The following PRKN variants were observed in gnomAD, a reference collection of about 807,000 sequenced individuals.
PRKN encodes parkin RBR E3 ubiquitin protein ligase.
In PRKN, 56 loss-of-function variants were observed where a neutral mutation model predicts 59.5. That is an observed-to-expected ratio of 0.94 (90% CI 0.76 to 1.18). The LOEUF is 1.18. Among genes scored for constraint, PRKN ranks in the 50% most tolerant of loss-of-function variants. The probability of loss-of-function intolerance (pLI) is 0.00; values close to 1 mark genes in which losing one functional copy is unlikely to be tolerated. For missense variants in PRKN, 657 were observed against 596.4 expected (o/e 1.10, Z -1.06); for synonymous variants, 250 against 222.1 (o/e 1.13, Z -1.12).
chr6:162,064,376 G>A (rs570529761), intron 4 of PRKN, among the ~76,000 whole-genome samples: 131 of 128,836 alleles, frequency 1.0e-3, no homozygotes, highest in African/African-American at 3.3e-3. Context: ...TTGACACAGT[G>A]CATTTTGTAG....
At chr6:161,853,750 T>C (rs1050202018) in intron 6 of PRKN, among the ~76,000 whole-genome samples, 17 of 152,252 alleles carry the variant, frequency 1.1e-4, no homozygotes, top group African/African-American at 3.6e-4. Context: ...TATCACACAA[T>C]GTCAGAAACA....
intron 9 of PRKN, among the ~76,000 whole-genome samples, chr6:161,436,232 G>C (rs1287919931): frequency 5.3e-4 from 51 of 96,814 alleles, no homozygotes; most frequent in African/African-American, 1.9e-3. Flanking sequence ...GGATGGGAGG[G>C]CAGAGAAGAG....
intron 4 of PRKN, among the ~76,000 whole-genome samples, chr6:162,067,509 T>G (rs1376473961): frequency 6.6e-6 from 1 of 152,220 alleles, no homozygotes; most frequent in East Asian, 1.9e-4. Context: ...TATGAGTTCA[T>G]GAGTTTTTAC....
At chr6:162,452,223 A>C (rs1042933480) in intron 1 of PRKN, among the ~76,000 whole-genome samples, 1 of 152,212 alleles carries the variant, frequency 6.6e-6, no homozygotes, top group African/African-American at 2.4e-5. Context: ...ATTTATCACA[A>C]GCAGACTCAT....
chr6:162,500,530 A>C (rs2128187723), intron 1 of PRKN, among the ~76,000 whole-genome samples: 1 of 152,294 alleles, frequency 6.6e-6, no homozygotes, highest in South Asian at 2.1e-4. Context: ...TCTCAGGAAG[A>C]CGGACGGAAT....
chr6:161,876,170 C>T (rs1232888260), intron 6 of PRKN, among the ~76,000 whole-genome samples: 2 of 152,072 alleles, frequency 1.3e-5, no homozygotes, highest in South Asian at 4.2e-4. Flanking sequence ...AACATTTTTG[C>T]TTTCTTTTAA....
intron 7 of PRKN, among the ~76,000 whole-genome samples, chr6:161,693,824 A>G (rs1785905554): frequency 6.6e-6 from 1 of 152,198 alleles, no homozygotes; most frequent in African/African-American, 2.4e-5. Flanking sequence ...TTTCAAATGG[A>G]TAAATATTAG....
intron 4 of PRKN, among the ~76,000 whole-genome samples, chr6:162,155,244 C>T (rs1319262816): frequency 6.6e-6 from 1 of 152,142 alleles, no homozygotes; most frequent in African/African-American, 2.4e-5. Context: ...TGCATCTACA[C>T]AGTTCTTAGT....
intron 2 of PRKN, among the ~76,000 whole-genome samples, chr6:162,268,183 C>T (rs1583291632): frequency 1.3e-5 from 2 of 152,084 alleles, no homozygotes; most frequent in East Asian, 3.9e-4. Context: ...TAACTATCAC[C>T]ATCTGCTATG....
intron 1 of PRKN, among the ~76,000 whole-genome samples, chr6:162,492,621 T>C (rs1253721853): frequency 6.6e-6 from 1 of 151,504 alleles, no homozygotes; most frequent in Non-Finnish European, 1.5e-5. Context: ...ATGGCCAACA[T>C]GGTGAAACCC....
intron 3 of PRKN, among the ~76,000 whole-genome samples, chr6:162,207,586 C>T (rs933289150): frequency 8.5e-5 from 13 of 152,170 alleles, no homozygotes; most frequent in East Asian, 3.9e-4. Flanking sequence ...CGCATGGCCC[C>T]GTGTCTGCCC....
At chr6:161,655,254 A>AGGC (rs1784299291) in intron 7 of PRKN, among the ~76,000 whole-genome samples, 1 of 143,928 alleles carries the variant, frequency 6.9e-6, no homozygotes, top group African/African-American at 2.7e-5. Flanking sequence ...GGGCCCACCC[A>AGGC]TGCTCTCAGC....
intron 1 of PRKN, among the ~76,000 whole-genome samples, chr6:162,645,377 A>C (rs1444585618): frequency 1.3e-5 from 2 of 152,178 alleles, no homozygotes; most frequent in South Asian, 4.1e-4. Flanking sequence ...GTGCATCAAG[A>C]AGCAAACAGT....
intron 6 of PRKN, among the ~76,000 whole-genome samples, chr6:161,900,796 TATATA>T (rs1181410225): frequency 8.3e-6 from 1 of 120,346 alleles, no homozygotes. Flanking sequence ...AAAATATAAA[TATATA>T]ATAAAATAAT....
rs767420298 is a variant in PRKN at position 161,355,042 on chromosome 6, C to A, written c.1286-4831G>T. ...ATCTGCCTGCCTCACAGGATCAAGT[C>A]CAAGCCCCAAACCTGCCATTCAGGG... On this transcript the variant is annotated intron_variant, in intron 11 of 11. Coordinates refer to ENST00000366898, the MANE Select transcript of PRKN (RefSeq NM_004562.3). This position sits in a 1 kb window ranked among gnomAD's most constrained non-coding sequence, Gnocchi z 6.8. 2.0e-5 allele frequency among the ~76,000 whole-genome samples: 3 copies of A among 152,198 alleles called. No homozygotes were observed. The highest frequency in any genetic ancestry group is 4.4e-5 in the Non-Finnish European group (3 of 68,036).
In PRKN at chr6:161,362,925, G is replaced by A. The variant is rs1311163757; in HGVS notation, c.1168-2720C>T. 6.6e-6 allele frequency among the ~76,000 whole-genome samples: 1 copy of A among 152,208 alleles called. No individual in the cohort carries two copies. Among genetic ancestry groups the A allele is most frequent in the African/African-American group, 2.4e-5 (1 of 41,452 alleles). ...AAACTACAGAATCTAACCAGCAAAG[G>A]TTGTAGATATTGGAATGGCCAGAGA... On this transcript the variant is annotated intron_variant, in intron 10 of 11. Transcript: ENST00000366898. The surrounding 1 kb of genome is among the most constrained non-coding windows in gnomAD (Gnocchi z 5.2).
rs1452781705 is a variant in PRKN at position 161,503,451 on chromosome 6, T to C, written c.1083+45403A>G. On this transcript the variant is annotated intron_variant, in intron 9 of 11. Coordinates refer to ENST00000366898, the MANE Select transcript of PRKN (RefSeq NM_004562.3). This position sits in a 1 kb window ranked among gnomAD's most constrained non-coding sequence, Gnocchi z 5.1. ...TACCATTTTCATCCTAAATAACCTC[T>C]GCCACTAAATAACCTTTGCCCCCAC... 6.6e-6 allele frequency among the ~76,000 whole-genome samples: 1 copy of C among 152,214 alleles called. No homozygotes were observed. Among genetic ancestry groups the C allele is most frequent in the East Asian group, 1.9e-4 (1 of 5,192 alleles).
chr6:161,474,379 G>A (rs1335087165), intron 9 of PRKN, among the ~76,000 whole-genome samples: 1 of 152,146 alleles, frequency 6.6e-6, no homozygotes, highest in Non-Finnish European at 1.5e-5. Flanking sequence ...GGTAACAGGA[G>A]TCCGTGGAGC....
intron 6 of PRKN, among the ~76,000 whole-genome samples, chr6:161,881,931 A>G (rs9355945): frequency 0.7 from 106,625 of 151,860 alleles, 38,506 homozygotes; most frequent in African/African-American, 0.89. Flanking sequence ...GACAGGCACC[A>G]TGGCAGAGTG....
Sources: gnomAD v4.1 joint callset for allele counts (sites outside exome capture counted in the v4.1 genomes callset) on GRCh38, gnomAD v4.1.1 for gene constraint, Gnocchi (gnomAD v3.1) non-coding constraint, MANE v1.5 for transcripts, NCBI Gene and HGNC (gene_info 2026-07-23, HGNC 2026-07-21) for gene names.